PDLIM3: variants seen among roughly 807,000 people sequenced by gnomAD.
The protein encoded by PDLIM3 is PDZ and LIM domain protein 3.
Under a neutral mutation model 37.3 loss-of-function variants are expected in PDLIM3, and 36 were observed. That is an observed-to-expected ratio of 0.97 (90% CI 0.74 to 1.28). The LOEUF is 1.28. Ranked by LOEUF, PDLIM3 falls within the 50% of genes most tolerant of loss-of-function variation. PDLIM3 has a pLI of 0.00. For synonymous variants in PDLIM3, 174 were observed against 182.4 expected (o/e 0.95, Z 0.37); for missense variants, 454 against 485.0 (o/e 0.94, Z 0.60).
chr4:185,504,600 C>T lies in PDLIM3; in HGVS notation c.794-14G>A, dbSNP rs1164843057. On this transcript the variant is annotated splice_polypyrimidine_tract_variant and intron_variant, in intron 6 of 7. Transcript: ENST00000284767. This position sits in a 1 kb window ranked among gnomAD's most constrained non-coding sequence, Gnocchi z 4.7. ...CCGGACGGTCATCTGAAAAACAAAG[C>T]GTTTCCATTTATGGCTAGGGAACAG... 2 of 1,606,004 alleles carry T rather than the reference C, an allele frequency of 1.2e-6. No homozygotes were observed. The highest frequency in any genetic ancestry group is 2.2e-5 in the East Asian group (1 of 44,746).
intron 3 of PDLIM3, among the ~76,000 whole-genome samples, chr4:185,522,266 C>T (rs1580258101): frequency 1.5e-5 from 1 of 66,244 alleles, no homozygotes; most frequent in Middle Eastern, 6.5e-3. Context: ...GTGGGGGTAA[C>T]GTACTGATAA....
rs2095712646 is a variant in PDLIM3 at position 185,514,931 on chromosome 4, A to G, written c.331-594T>C. 7 of 1,504,296 alleles carry G rather than the reference A, an allele frequency of 4.7e-6. No homozygotes were observed. The highest frequency in any genetic ancestry group is 5.4e-6 in the Non-Finnish European group (6 of 1,116,730). 93.2% of individuals were successfully genotyped at this position (1,504,296 alleles called of 1,614,324 possible). ...CAAAATACACAGCCACACAGCGCAC[A>G]AGAAAGCCATTAGTGAGCGAAACCA... On this transcript the variant is annotated intron_variant, in intron 3 of 7. Coordinates refer to ENST00000284767, the MANE Select transcript of PDLIM3 (RefSeq NM_014476.6). The surrounding 1 kb of genome is among the most constrained non-coding windows in gnomAD (Gnocchi z 4.0).
At position 185,502,472 on chromosome 4, in the gene PDLIM3, A is replaced by G. The variant is rs771699213; in HGVS notation, c.917T>C (p.Val306Ala). ...KCGSGIVGAV[V>A]KARDKYRHPE... Reference sequence around the variant, plus strand: ...GTGCCGGTACTTATCCCGCGCCTTCACCACAGCACCGCTGTTGGGGAAGAA... The same window carrying G: ...GTGCCGGTACTTATCCCGCGCCTTCGCCACAGCACCGCTGTTGGGGAAGAA... Residue 306 changes from valine (V) to alanine (A), a missense_variant, in exon 8 of 8, where the codon GTG (valine) becomes GCG (alanine). Val to Ala is a moderately conservative substitution (Grantham distance 64). Coordinates refer to ENST00000284767, the MANE Select transcript of PDLIM3 (RefSeq NM_014476.6). The G allele has an allele frequency of 1.1e-5, 18 of 1,613,958 alleles. No homozygotes were observed. Among genetic ancestry groups the G allele is most frequent in the African/African-American group, 1.1e-4 (8 of 74,896 alleles).
Position 185,504,432 on chromosome 4 carries a change from G to T in PDLIM3, c.905+43C>A. 6.7e-7 allele frequency: 1 copy of T among 1,486,362 alleles called. No homozygotes were observed. Among genetic ancestry groups the T allele is most frequent in the Non-Finnish European group, 9.4e-7 (1 of 1,066,144 alleles). The allele number at this position is 1,486,362 out of a possible 1,614,324, so 92.1% of individuals were successfully genotyped here. ...CTTAAAGGAGAAGAAATGAACTGTC[G>T]CCAAGCTGTATCGTAAATTCCAGGG... is the stretch of plus-strand genomic sequence containing the variant. On this transcript the variant is annotated intron_variant, in intron 7 of 7. Transcript: ENST00000284767. This position sits in a 1 kb window ranked among gnomAD's most constrained non-coding sequence, Gnocchi z 4.7.
At chr4:185,529,006 A>G (rs776487610) in intron 1 of PDLIM3, among the ~76,000 whole-genome samples, 2 of 152,188 alleles carry the variant, frequency 1.3e-5, no homozygotes, top group Non-Finnish European at 2.9e-5. Flanking sequence ...ATTAGAAGAG[A>G]GAGCTGAAAT....
Position 185,508,528 on chromosome 4 carries a change from T to C in PDLIM3, c.433A>G (p.Ser145Gly), listed in dbSNP as rs2095701718. 2 of 1,614,124 alleles carry C rather than the reference T, an allele frequency of 1.2e-6. No individual in the cohort carries two copies. Among genetic ancestry groups the C allele is most frequent in the Non-Finnish European group, 1.7e-6 (2 of 1,179,982 alleles). Residue 145 changes from serine to glycine, a missense_variant, in exon 5 of 8, where the codon AGT becomes GGT. Physicochemically the swap from Ser to Gly is moderately conservative, Grantham distance 56 (BLOSUM62 0). Transcript: ENST00000284767. The stretch of plus-strand genomic sequence containing the variant: ...ACAGAAGAAGGGGTGCTGCGTCCAC[T>C]GCCACAGTCAATCCCGGAGGGAGTG... ...CSTPSGIDCGSGRSTPSSVST... is the reference protein window; with the variant it reads ...CSTPSGIDCGGGRSTPSSVST...
At chr4:185,526,532 T>C (rs529904763) in intron 1 of PDLIM3, among the ~76,000 whole-genome samples, 2 of 152,314 alleles carry the variant, frequency 1.3e-5, no homozygotes, top group South Asian at 2.1e-4. Flanking sequence ...TATTTAAAAA[T>C]AGGAAGTTTG....
intron 4 of PDLIM3, among the ~76,000 whole-genome samples, chr4:185,510,719 T>C (rs2095705190): frequency 2.0e-5 from 3 of 152,232 alleles, no homozygotes; most frequent in South Asian, 2.1e-4. Context: ...GTCAACAGTA[T>C]ATGCATATGT....
intron 4 of PDLIM3, among the ~76,000 whole-genome samples, chr4:185,510,327 CAT>C (rs1434001217): frequency 6.6e-5 from 10 of 152,300 alleles, no homozygotes; most frequent in Non-Finnish European, 1.0e-4. Context: ...GTGTGCCAGA[CAT>C]AGTGCCCGTA....
chr4:185,525,265 A>G, intron 1 of PDLIM3, 94 bp from the exon 2 acceptor site: 1 of 1,239,486 alleles, frequency 8.1e-7, no homozygotes, highest in Non-Finnish European at 1.2e-6. Context: ...TAACATTTTA[A>G]ATGTTTAATT....
At chr4:185,502,867 A>G (rs945619649) in intron 7 of PDLIM3, among the ~76,000 whole-genome samples, 2 of 152,162 alleles carry the variant, frequency 1.3e-5, no homozygotes, top group East Asian at 1.9e-4. Flanking sequence ...TGTCTACCCA[A>G]TGAAGAGTCT....
intron 4 of PDLIM3, among the ~76,000 whole-genome samples, chr4:185,511,431 G>T (rs2095706418): frequency 6.6e-6 from 1 of 151,092 alleles, no homozygotes; most frequent in Admixed American, 6.6e-5. Context: ...GTGCAATCTT[G>T]GCTCACCGCA....
At chr4:185,506,260 G>A (rs1395764762) in intron 6 of PDLIM3, among the ~76,000 whole-genome samples, 1 of 152,158 alleles carries the variant, frequency 6.6e-6, no homozygotes, top group Non-Finnish European at 1.5e-5. Flanking sequence ...TGTAAGCTGA[G>A]CTAGCCCTTG....
chr4:185,514,038 G>A lies in PDLIM3; in HGVS notation c.398+232C>T. On this transcript the variant is annotated intron_variant, in intron 4 of 7. Transcript: ENST00000284767. This position sits in a 1 kb window ranked among gnomAD's most constrained non-coding sequence, Gnocchi z 4.0. ...AGGGGTGTTCGCTATAAATACACGTGGTGATTGCATACAATTTCACAGCTC... is the reference window on the plus strand; with the variant it reads ...AGGGGTGTTCGCTATAAATACACGTAGTGATTGCATACAATTTCACAGCTC... 4.2e-6 allele frequency: 6 copies of A among 1,415,718 alleles called. No homozygotes were observed. Among genetic ancestry groups the A allele is most frequent in the Non-Finnish European group, 5.5e-6 (6 of 1,084,958 alleles). The allele number at this position is 1,415,718 out of a possible 1,614,324, so 87.7% of individuals were successfully genotyped here. A position where few individuals can be genotyped will look rare whatever the true frequency, so the allele number is the denominator to read the frequency against.
At chr4:185,535,264 C>T in intron 1 of PDLIM3, 78 bp downstream of exon 1, 1 of 1,327,792 alleles carries the variant, frequency 7.5e-7, no homozygotes, top group Admixed American at 2.0e-5. Context: ...CGCCCTCGGC[C>T]CCGGGGCATC....
chr4:185,528,857 C>A (rs898840659), intron 1 of PDLIM3, among the ~76,000 whole-genome samples: 1 of 152,164 alleles, frequency 6.6e-6, no homozygotes, highest in African/African-American at 2.4e-5. Context: ...AAAATGACTG[C>A]GAAATTGGCC....
In PDLIM3 at chr4:185,514,504, T is replaced by C; in HGVS notation, c.331-167A>G. 7.0e-7 allele frequency: 1 copy of C among 1,436,136 alleles called. No individual in the cohort carries two copies. The highest frequency in any genetic ancestry group is 1.2e-5 in the South Asian group (1 of 80,840). The allele number at this position is 1,436,136 out of a possible 1,614,324, so 89.0% of individuals were successfully genotyped here. On this transcript the variant is annotated intron_variant, in intron 3 of 7. Coordinates refer to ENST00000284767, the MANE Select transcript of PDLIM3 (RefSeq NM_014476.6). The surrounding 1 kb of genome is among the most constrained non-coding windows in gnomAD (Gnocchi z 4.0). ...ACGATGTCTTCTTTCCAACCATCTA[T>C]CCGCTAAACGGTCAGGCACTGGCGG...
chr4:185,508,672 G>A, intron 4 of PDLIM3, 110 bp from the exon 5 acceptor site: 1 of 1,051,398 alleles, frequency 9.5e-7, no homozygotes, highest in Non-Finnish European at 1.5e-6. Flanking sequence ...GAAGACAAAA[G>A]TGAGAGGTGA....
At chr4:185,530,723 G>A (rs909223940) in intron 1 of PDLIM3, among the ~76,000 whole-genome samples, 9 of 152,102 alleles carry the variant, frequency 5.9e-5, no homozygotes, top group South Asian at 2.1e-4. Context: ...GCTGAGTAGC[G>A]CGATGAAGTC....
Sources: gnomAD v4.1 joint callset for allele counts (sites outside exome capture counted in the v4.1 genomes callset) on GRCh38, gnomAD v4.1.1 for gene constraint, Gnocchi (gnomAD v3.1) non-coding constraint, MANE v1.5 for transcripts, NCBI Gene and HGNC (gene_info 2026-07-23, HGNC 2026-07-21) for gene names.